DENND1B: variants seen among roughly 807,000 people sequenced by gnomAD.
DENND1B encodes the protein DENN domain containing 1B, also known as DENN domain-containing protein 1B.
A neutral mutation model predicts 90.1 loss-of-function variants in DENND1B; 59 were observed. That is an observed-to-expected ratio of 0.65 (90% CI 0.53 to 0.81). DENND1B has a LOEUF of 0.81. Ranked by LOEUF, DENND1B falls within the 40% of genes least tolerant of loss-of-function variation. DENND1B has a pLI of 0.00. For missense variants in DENND1B, 862 were observed against 912.6 expected (o/e 0.94, Z 0.71); for synonymous variants, 337 against 324.6 (o/e 1.04, Z -0.41).
chr1:197,774,159 A>T (rs1344937163), intron 1 of DENND1B, among the ~76,000 whole-genome samples: 1 of 152,116 alleles, frequency 6.6e-6, no homozygotes, highest in Non-Finnish European at 1.5e-5. Flanking sequence ...TTACTCACTT[A>T]CCCTGCCCAC....
At chr1:197,686,998 G>C (rs921388070) in intron 3 of DENND1B, among the ~76,000 whole-genome samples, 1 of 152,176 alleles carries the variant, frequency 6.6e-6, no homozygotes, top group Non-Finnish European at 1.5e-5. Flanking sequence ...TGAAATAAAA[G>C]AGCTGTATTG....
intron 3 of DENND1B, among the ~76,000 whole-genome samples, chr1:197,676,178 A>G (rs1450307573): frequency 2.0e-5 from 3 of 151,542 alleles, no homozygotes; most frequent in Non-Finnish European, 2.9e-5. Context: ...GGGTTTACAC[A>G]GATCAATAGC....
At chr1:197,741,794 A>G (rs2102367605) in intron 2 of DENND1B, among the ~76,000 whole-genome samples, 1 of 152,298 alleles carries the variant, frequency 6.6e-6, no homozygotes, top group East Asian at 1.9e-4. Flanking sequence ...GAACTAAAAT[A>G]AACGTGGCAA....
chr1:197,673,838 C>T (rs1009273240), intron 4 of DENND1B, among the ~76,000 whole-genome samples: 3 of 152,040 alleles, frequency 2.0e-5, no homozygotes, highest in Admixed American at 2.0e-4. Flanking sequence ...CTAGTGATCA[C>T]AATTTCTACC....
intron 15 of DENND1B, among the ~76,000 whole-genome samples, chr1:197,558,195 T>C (rs1422884931): frequency 6.6e-6 from 1 of 151,616 alleles, no homozygotes; most frequent in Non-Finnish European, 1.5e-5. Context: ...TTCTTTTTAT[T>C]CCAAAAGAAA....
At chr1:197,565,055 A>G (rs1391354077) in intron 15 of DENND1B, among the ~76,000 whole-genome samples, 2 of 151,966 alleles carry the variant, frequency 1.3e-5, no homozygotes, top group Non-Finnish European at 2.9e-5. Flanking sequence ...ACCATCTCCT[A>G]TCTATTCATA....
chr1:197,650,045 C>G (rs1475973013), intron 7 of DENND1B, among the ~76,000 whole-genome samples: 1 of 151,894 alleles, frequency 6.6e-6, no homozygotes, highest in Non-Finnish European at 1.5e-5. Flanking sequence ...GAGCTAAGGA[C>G]ATGAATAGAC....
intron 13 of DENND1B, among the ~76,000 whole-genome samples, chr1:197,596,333 C>T (rs1225771618): frequency 2.0e-5 from 3 of 151,878 alleles, no homozygotes; most frequent in East Asian, 1.9e-4. Flanking sequence ...ATAAAATGCT[C>T]CTATGCATCC....
chr1:197,734,113 CAAAAT>C (rs1378216725), intron 2 of DENND1B: 1 of 958,158 alleles, frequency 1.0e-6, no homozygotes, highest in East Asian at 1.2e-4. Context: ...ATGCAGAAGT[CAAAAT>C]AAAACTGTCA....
upstream of DENND1B, among the ~76,000 whole-genome samples, chr1:197,778,566 A>G (rs1448138572): frequency 6.6e-6 from 1 of 152,040 alleles, no homozygotes; most frequent in Non-Finnish European, 1.5e-5. Context: ...AGTCCCAGAT[A>G]ATAAGGAGGC....
In DENND1B at chr1:197,525,113, C is replaced by T. The variant is rs563413983; in HGVS notation, c.1516-12160G>A. On this transcript the variant is annotated intron_variant, in intron 20 of 22. Coordinates refer to ENST00000620048, the MANE Select transcript of DENND1B (RefSeq NM_001195215.2). ...ATAGGTAGAAAGAAGGTCTTGTATT[C>T]ACAGGAGGTCTCATTATTCACCTGT... Among the ~76,000 whole-genome samples, 7 of 152,216 alleles carry T rather than the reference C, an allele frequency of 4.6e-5. No individual in the cohort carries two copies. In the South Asian group the frequency reaches 1.5e-3, roughly 32 times the overall value.
At chr1:197,614,414 C>T (rs1677455437) in intron 11 of DENND1B, among the ~76,000 whole-genome samples, 2 of 150,940 alleles carry the variant, frequency 1.3e-5, no homozygotes, top group South Asian at 4.1e-4. Flanking sequence ...AATATGAAAT[C>T]ACCCAAATCT....
intron 15 of DENND1B, among the ~76,000 whole-genome samples, chr1:197,568,178 C>T (rs909088196): frequency 6.6e-6 from 1 of 151,964 alleles, no homozygotes; most frequent in Non-Finnish European, 1.5e-5. Context: ...GATACACAAT[C>T]AACGTATTAA....
chr1:197,511,564 A>C (rs944199506), intron 22 of DENND1B, among the ~76,000 whole-genome samples, 164 bp downstream of exon 22: 2 of 151,812 alleles, frequency 1.3e-5, no homozygotes, highest in Admixed American at 6.6e-5. Flanking sequence ...TTTTAATAAT[A>C]GAAATAATTT....
chr1:197,571,047 A>C (rs1170524646), intron 15 of DENND1B, among the ~76,000 whole-genome samples: 1 of 141,760 alleles, frequency 7.1e-6, no homozygotes, highest in Non-Finnish European at 1.5e-5. Flanking sequence ...TCTAACCCAT[A>C]AGTAAGAGTT....
At chr1:197,753,799 G>A (rs556713873) in intron 2 of DENND1B, among the ~76,000 whole-genome samples, 59 of 151,824 alleles carry the variant, frequency 3.9e-4, no homozygotes, top group Non-Finnish European at 7.9e-4. Flanking sequence ...TCAGGAGTTC[G>A]AGACCAGCCT....
At chr1:197,521,081 T>A (rs1668742767) in intron 20 of DENND1B, among the ~76,000 whole-genome samples, 1 of 151,912 alleles carries the variant, frequency 6.6e-6, no homozygotes, top group Non-Finnish European at 1.5e-5. Flanking sequence ...AGGAAAAGTA[T>A]TTTATATGAA....
At chr1:197,716,977 A>T (rs1660707695) in intron 2 of DENND1B, among the ~76,000 whole-genome samples, 1 of 151,818 alleles carries the variant, frequency 6.6e-6, no homozygotes, top group Admixed American at 6.6e-5. Flanking sequence ...TTTCGGAGAG[A>T]GAACAAATAA....
intron 18 of DENND1B, among the ~76,000 whole-genome samples, chr1:197,545,373 C>T (rs1280292757): frequency 6.6e-6 from 1 of 151,998 alleles, no homozygotes; most frequent in African/African-American, 2.4e-5. Context: ...CCACTGCACT[C>T]CAGCCTGGGT....
Sources: allele counts gnomAD v4.1 joint callset (sites outside exome capture counted in the v4.1 genomes callset), GRCh38; gene constraint gnomAD v4.1.1; transcripts MANE v1.5; gene names NCBI Gene and HGNC (gene_info 2026-07-23, HGNC 2026-07-21).